Variants in CDK4 observed in about 807,000 individuals in gnomAD.
The protein encoded by CDK4 is cyclin-dependent kinase 4.
CDK4 carries 13 observed loss-of-function variants against 36.7 expected under a neutral mutation model. The ratio of observed to expected loss-of-function variants is 0.35; its 90% CI spans 0.23 to 0.56. CDK4 has a LOEUF of 0.56. CDK4 is among the 20% of genes least tolerant of loss of function. The pLI is 0.85. For synonymous variants in CDK4, 158 were observed against 146.4 expected, an observed-to-expected ratio of 1.08 and a Z score of -0.57; for missense variants, 285 against 387.3, an observed-to-expected ratio of 0.74 and a Z score of 2.22.
chr12:57,748,391 G>A lies in CDK4; in HGVS notation c.*134C>T, dbSNP rs1280507408. The A allele has an allele frequency of 1.3e-6, 1 of 763,796 alleles. No individual in the cohort carries two copies. Among genetic ancestry groups the A allele is most frequent in the African/African-American group, 1.7e-5 (1 of 58,682 alleles). 47.3% of individuals were successfully genotyped at this position (763,796 alleles called of 1,614,324 possible). A position where few individuals can be genotyped will look rare whatever the true frequency, so the allele number is the denominator to read the frequency against. On this transcript the variant is annotated 3_prime_UTR_variant, in exon 8 of 8. Coordinates refer to ENST00000257904, the MANE Select transcript of CDK4 (RefSeq NM_000075.4). The stretch of plus-strand genomic sequence containing the variant: ...AGAGGTGGGAGGGGAATGTCATTAA[G>A]GCAGCAAAGTAATCTCTGTAGAAAG...
rs2140382521 is a variant in CDK4, at chr12:57,749,166, C to T, written c.819+16G>A. On this transcript the variant is annotated intron_variant, in intron 7 of 7. Transcript: ENST00000257904. ...GTCTCTATTTCTTTCCCTGTGCCCA[C>T]AGCCATCTCCAGTACCAGCAGCAGC... 6.2e-7 allele frequency: 1 copy of T among 1,614,036 alleles called. No individual in the cohort carries two copies. The highest frequency in any genetic ancestry group is 8.5e-7 in the Non-Finnish European group (1 of 1,179,856).
At position 57,747,852 on chromosome 12, in the gene CDK4, C is replaced by T. The variant is rs1955177470; in HGVS notation, c.*673G>A. The T allele has an allele frequency of 5.7e-6, 1 of 174,574 alleles. No homozygotes were observed. Among genetic ancestry groups the T allele is most frequent in the African/African-American group, 2.4e-5 (1 of 41,988 alleles). 10.8% of individuals were successfully genotyped at this position (174,574 alleles called of 1,614,324 possible). On this transcript the variant is annotated 3_prime_UTR_variant, in exon 8 of 8. Coordinates refer to ENST00000257904, the MANE Select transcript of CDK4 (RefSeq NM_000075.4). ...CTGCCTCCCGGGTTCAAGCGATCCT[C>T]CTGCCTCAGTCTCCCAAGTAGCTGG...
In CDK4 at chr12:57,749,223, C is replaced by A. The variant is rs876660340; in HGVS notation, c.778G>T (p.Val260Leu). ...CCCGACTCCTCCATCTCAGGTACCACCGACTGCACTGGGCGGGGCCCTCTG... is the reference window on the plus strand; with the variant it reads ...CCCGACTCCTCCATCTCAGGTACCAACGACTGCACTGGGCGGGGCCCTCTG... ...PPRGPRPVQS[V>L]VPEMEESGAQ... The change falls in exon 7 of 8, where the codon GTG (valine) becomes TTG (leucine). Residue 260 changes from valine (V) to leucine (L), a missense_variant. Physicochemically the swap from Val to Leu is conservative, Grantham distance 32. Transcript: ENST00000257904. The A allele has an allele frequency of 3.1e-6, 5 of 1,614,068 alleles. No individual in the cohort carries two copies. The Admixed American group carries it at 6.7e-5, about 22-fold the overall frequency.
In CDK4 at chr12:57,748,569, G is replaced by T. The variant is rs1555201026; in HGVS notation, c.868C>A (p.Leu290Met). The T allele has an allele frequency of 6.2e-7, 1 of 1,614,012 alleles. No individual in the cohort carries two copies. The highest frequency in any genetic ancestry group is 8.5e-7 in the Non-Finnish European group (1 of 1,179,880). ...TCCTTATGTAGATAAGAGTGCTGCA[G>T]AGCTCGAAAGGCAGAGATTCGCTTG... ...PHKRISAFRALQHSYLHKDEG... is the reference protein window; with the variant it reads ...PHKRISAFRAMQHSYLHKDEG... The change falls in exon 8 of 8, where the codon CTG (leucine) becomes ATG (methionine). Residue 290 changes from leucine (L) to methionine (M), a missense_variant. Physicochemically the swap from Leu to Met is conservative, Grantham distance 15. Coordinates refer to ENST00000257904, the MANE Select transcript of CDK4 (RefSeq NM_000075.4).
Position 57,749,174 on chromosome 12 carries a change from TC to T in CDK4, c.819+7del, listed in dbSNP as rs1217545832. ...TTCTTTCCCTGTGCCCACAGCCATCTCCAGTACCAGCAGCAGCTGTGCTCCC... is the reference window on the plus strand; with the variant it reads ...TTCTTTCCCTGTGCCCACAGCCATCTCAGTACCAGCAGCAGCTGTGCTCCC... On this transcript the variant is annotated splice_region_variant and intron_variant, in intron 7 of 7. Transcript: ENST00000257904. The T allele has an allele frequency of 6.2e-7, 1 of 1,613,994 alleles. No individual in the cohort carries two copies. Among genetic ancestry groups the T allele is most frequent in the Non-Finnish European group, 8.5e-7 (1 of 1,179,866 alleles).
chr12:57,749,358 G>C (rs2140383373), intron 6 of CDK4, 41 bp from the exon 7 acceptor site: 8 of 1,614,036 alleles, frequency 5.0e-6, no homozygotes, highest in Non-Finnish European at 6.8e-6. Context: ...GGGTCCTCCA[G>C]TTCCCATCCC....
rs536249985 is a variant in CDK4, at chr12:57,749,512, G to A, written c.633-8C>T. On this transcript the variant is annotated splice_polypyrimidine_tract_variant and splice_region_variant and intron_variant, in intron 5 of 7. Coordinates refer to ENST00000257904, the MANE Select transcript of CDK4 (RefSeq NM_000075.4). ...TTTCCACAGAAGAGAGGCCTAAGGT[G>A]AGAAGGGATATAAGGTAGCAGTCAT... The A allele has an allele frequency of 4.5e-5, 72 of 1,613,872 alleles. 2 individuals carry two copies. The South Asian group carries it at 7.5e-4, about 17-fold the overall frequency.
At chr12:57,749,362 C>T (rs781372010) in intron 6 of CDK4, 45 bp from the exon 7 acceptor site, 2 of 1,613,952 alleles carry the variant, frequency 1.2e-6, no homozygotes, top group Non-Finnish European at 1.7e-6. Flanking sequence ...CCTCCAGTTC[C>T]CATCCCCATG....
intron 7 of CDK4, 139 bp downstream of exon 7, chr12:57,749,043 C>T: frequency 9.2e-7 from 1 of 1,084,510 alleles, no homozygotes; most frequent in Non-Finnish European, 1.4e-6. Context: ...CTGTGGGTGG[C>T]TATTTGCAGC....
rs1293552957 is a variant in CDK4, at chr12:57,748,397, A to C, written c.*128T>G. On this transcript the variant is annotated 3_prime_UTR_variant, in exon 8 of 8. Transcript: ENST00000257904. ...GGGAGGGGAATGTCATTAAGGCAGCAAAGTAATCTCTGTAGAAAGATGGAG... is the reference window on the plus strand; with the variant it reads ...GGGAGGGGAATGTCATTAAGGCAGCCAAGTAATCTCTGTAGAAAGATGGAG... The C allele has an allele frequency of 1.3e-6, 1 of 776,420 alleles. No homozygotes were observed. Among genetic ancestry groups the C allele is most frequent in the Non-Finnish European group, 2.3e-6 (1 of 427,032 alleles). 48.1% of individuals were successfully genotyped at this position (776,420 alleles called of 1,614,324 possible). A position where few individuals can be genotyped will look rare whatever the true frequency, so the allele number is the denominator to read the frequency against.
At chr12:57,749,549 T>G in intron 5 of CDK4, 45 bp from the exon 6 acceptor site, 2 of 1,577,818 alleles carry the variant, frequency 1.3e-6, no homozygotes, top group South Asian at 2.2e-5. Flanking sequence ...TTCAAAGATA[T>G]CTTAGTTGAA....
At position 57,749,212 on chromosome 12, in the gene CDK4, C is replaced by G. The variant is rs1955200192; in HGVS notation, c.789G>C (p.Glu263Asp). 1 of 1,613,934 alleles carries G rather than the reference C, an allele frequency of 6.2e-7. No individual in the cohort carries two copies. The highest frequency in any genetic ancestry group is 1.7e-5 in the Admixed American group (1 of 59,998). Reference sequence around the variant, plus strand: ...GCAGCTGTGCTCCCGACTCCTCCATCTCAGGTACCACCGACTGCACTGGGC... The same window carrying G: ...GCAGCTGTGCTCCCGACTCCTCCATGTCAGGTACCACCGACTGCACTGGGC... ...GPRPVQSVVPEMEESGAQLLL... is the reference protein window; with the variant it reads ...GPRPVQSVVPDMEESGAQLLL... Residue 263 changes from glutamate (E) to aspartate (D), a missense_variant, in exon 7 of 8, where the codon GAG becomes GAC. Transcript: ENST00000257904.
At position 57,749,415 on chromosome 12, in the gene CDK4, CAGAAT is replaced by C. The variant is rs1339042893; in HGVS notation, c.683+34_683+38del. On this transcript the variant is annotated intron_variant, in intron 6 of 7. Transcript: ENST00000257904. ...TCCTGGGTTCAGCAGAAAGAGGACT[CAGAAT>C]AGAAAATCTTTTTCTCCCATGTTGG... is the stretch of plus-strand genomic sequence containing the variant. 2.5e-6 allele frequency: 4 copies of C among 1,613,558 alleles called. No homozygotes were observed. The South Asian group carries it at 4.4e-5, about 18-fold the overall frequency.
intron 7 of CDK4, 91 bp from the exon 8 acceptor site, chr12:57,748,708 CTTTT>C (rs545773931): frequency 1.9e-4 from 129 of 693,266 alleles, no homozygotes; most frequent in Non-Finnish European, 2.2e-4. Flanking sequence ...CTTCTTTTTT[CTTTT>C]TTTTTTTTTT....
intron 5 of CDK4, chr12:57,749,721 AGGTG>A (rs1955210164): frequency 1.7e-6 from 1 of 601,194 alleles, no homozygotes; most frequent in East Asian, 2.8e-5. Context: ...AAGAAATGCC[AGGTG>A]CAGCGGCTCA....
Position 57,747,867 on chromosome 12 carries a change from C to T in CDK4, c.*658G>A. ...AAGCGATCCTCCTGCCTCAGTCTCC[C>T]AAGTAGCTGGGATTACAGGTGTGCA... On this transcript the variant is annotated 3_prime_UTR_variant, in exon 8 of 8. Transcript: ENST00000257904. 1 of 176,412 alleles carries T rather than the reference C, an allele frequency of 5.7e-6. No individual in the cohort carries two copies. 10.9% of individuals were successfully genotyped at this position (176,412 alleles called of 1,614,324 possible). A position where few individuals can be genotyped will look rare whatever the true frequency, so the allele number is the denominator to read the frequency against.
intron 5 of CDK4, chr12:57,749,862 T>C: frequency 3.0e-6 from 1 of 338,912 alleles, no homozygotes; most frequent in East Asian, 7.5e-5. Context: ...CTGAGCATGG[T>C]GGCGTGCACC....
chr12:57,751,455 C>T lies in CDK4; in HGVS notation c.218+45G>A. On this transcript the variant is annotated intron_variant, in intron 2 of 7. Coordinates refer to ENST00000257904, the MANE Select transcript of CDK4 (RefSeq NM_000075.4). The surrounding 1 kb of genome is among the most constrained non-coding windows in gnomAD (Gnocchi z 4.5). ...TCATCACACCCCACCTATAGGCTGT[C>T]TTTTCCCTTTACTCCCCACGCCCAA... The T allele has an allele frequency of 6.2e-7, 1 of 1,610,622 alleles. No individual in the cohort carries two copies. Among genetic ancestry groups the T allele is most frequent in the Non-Finnish European group, 8.5e-7 (1 of 1,177,242 alleles).
intron 7 of CDK4, chr12:57,748,916 G>A (rs1263865637): frequency 1.8e-6 from 1 of 558,484 alleles, no homozygotes; most frequent in Non-Finnish European, 3.2e-6. Flanking sequence ...ATGTTGGCCA[G>A]GCTGGTCTCG....
Sources: gnomAD v4.1 joint callset for allele counts on GRCh38, gnomAD v4.1.1 for gene constraint, Gnocchi (gnomAD v3.1) non-coding constraint, MANE v1.5 for transcripts, NCBI Gene and HGNC (gene_info 2026-07-23, HGNC 2026-07-21) for gene names.